The following IPO11 variants were observed in gnomAD, a reference collection of about 807,000 sequenced individuals.
IPO11 encodes importin-11.
Under a neutral mutation model 143.2 loss-of-function variants are expected in IPO11, and 66 were observed. The observed-to-expected ratio is 0.46, with a 90% CI of 0.38 to 0.57. IPO11 has a LOEUF of 0.57. IPO11 is among the 20% of genes least tolerant of loss of function. The pLI, the probability that IPO11 is intolerant of heterozygous loss-of-function variation, is 0.00. For synonymous variants in IPO11, 385 were observed against 377.8 expected (o/e 1.02, Z -0.22); for missense variants, 1,026 against 1,141.0 (o/e 0.90, Z 1.45).
At chr5:62,506,387 TGA>T (rs1741556259) in intron 19 of IPO11, 30 bp downstream of exon 19, 3 of 1,241,840 alleles carry the variant, frequency 2.4e-6, no homozygotes, top group Non-Finnish European at 3.5e-6. Context: ...TGAAAATAAA[TGA>T]GGGGTGGGTA....
At chr5:62,454,482 A>G (rs555484461) in intron 5 of IPO11, among the ~76,000 whole-genome samples, 2 of 152,184 alleles carry the variant, frequency 1.3e-5, no homozygotes, top group African/African-American at 4.8e-5. Flanking sequence ...AACTTTATCA[A>G]AGTTCACTCT....
chr5:62,423,443 A>G (rs189295351), intron 1 of IPO11, among the ~76,000 whole-genome samples: 1 of 152,356 alleles, frequency 6.6e-6, no homozygotes, highest in African/African-American at 2.4e-5. Context: ...ACAGCAATAG[A>G]AGTGTGTACT....
intron 6 of IPO11, 107 bp downstream of exon 6, chr5:62,467,370 AG>A: frequency 2.5e-6 from 3 of 1,214,604 alleles, no homozygotes; most frequent in Non-Finnish European, 3.4e-6. Flanking sequence ...TGGAAAAATA[AG>A]AGGTTTATTT....
Position 62,627,803 on chromosome 5 carries a change from T to G in IPO11, c.*485T>G, listed in dbSNP as rs909780157. 1.3e-5 allele frequency: 2 copies of G among 152,698 alleles called. No homozygotes were observed. Among genetic ancestry groups the G allele is most frequent in the African/African-American group, 4.8e-5 (2 of 41,448 alleles). 9.5% of individuals were successfully genotyped at this position (152,698 alleles called of 1,614,324 possible). The stretch of plus-strand genomic sequence containing the variant: ...GAAATGTGTGTACTAAGCAAAAATA[T>G]ATAAATAGTGACAAATACACATTAC... On this transcript the variant is annotated 3_prime_UTR_variant, in exon 30 of 30. Coordinates refer to ENST00000325324, the MANE Select transcript of IPO11 (RefSeq NM_016338.5).
At chr5:62,456,470 A>G (rs1181960779) in intron 5 of IPO11, among the ~76,000 whole-genome samples, 1 of 152,168 alleles carries the variant, frequency 6.6e-6, no homozygotes, top group Non-Finnish European at 1.5e-5. Flanking sequence ...AATGTCCCCA[A>G]ATCACGATGT....
At chr5:62,415,232 C>CAA (rs1274912534) in intron 1 of IPO11, among the ~76,000 whole-genome samples, 1 of 152,106 alleles carries the variant, frequency 6.6e-6, no homozygotes, top group African/African-American at 2.4e-5. Context: ...GGCGTGATCT[C>CAA]TGCTCACTGC....
intron 1 of IPO11, among the ~76,000 whole-genome samples, chr5:62,431,136 G>T (rs977920145): frequency 1.3e-5 from 2 of 151,608 alleles, no homozygotes; most frequent in Non-Finnish European, 2.9e-5. Flanking sequence ...GCTACGGTAC[G>T]CCTGGCTAAT....
At chr5:62,614,749 G>C (rs1746065963) in intron 29 of IPO11, among the ~76,000 whole-genome samples, 1 of 152,158 alleles carries the variant, frequency 6.6e-6, no homozygotes, top group East Asian at 1.9e-4. Context: ...TAGCTTTGCT[G>C]TCTGCAGACA....
chr5:62,497,626 G>A (rs1741202225), intron 16 of IPO11, among the ~76,000 whole-genome samples: 2 of 152,088 alleles, frequency 1.3e-5, no homozygotes, highest in South Asian at 4.1e-4. Flanking sequence ...GTACCACTAT[G>A]CCTGGCTAAT....
At chr5:62,528,783 G>T (rs1742449498) in intron 21 of IPO11, among the ~76,000 whole-genome samples, 2 of 152,128 alleles carry the variant, frequency 1.3e-5, no homozygotes, top group Non-Finnish European at 2.9e-5. Context: ...GTCTGTAGGT[G>T]AGAGAAGGTA....
chr5:62,488,198 C>T (rs1746478338), intron 13 of IPO11, among the ~76,000 whole-genome samples: 1 of 152,140 alleles, frequency 6.6e-6, no homozygotes, highest in South Asian at 2.1e-4. Flanking sequence ...AGAATGGTGG[C>T]AGTGGGAATG....
intron 27 of IPO11, among the ~76,000 whole-genome samples, chr5:62,582,219 G>C (rs1287783217): frequency 6.6e-6 from 1 of 152,210 alleles, no homozygotes; most frequent in Non-Finnish European, 1.5e-5. Flanking sequence ...AGAATTAGGT[G>C]AGTAGGAATC....
At chr5:62,620,203 G>A (rs1746295693) in intron 29 of IPO11, among the ~76,000 whole-genome samples, 1 of 152,120 alleles carries the variant, frequency 6.6e-6, no homozygotes, top group Non-Finnish European at 1.5e-5. Context: ...TTAGGGAGAC[G>A]TGAGACTTCA....
At chr5:62,624,950 A>C (rs1276568477) in intron 29 of IPO11, among the ~76,000 whole-genome samples, 1 of 141,070 alleles carries the variant, frequency 7.1e-6, no homozygotes, top group Admixed American at 7.9e-5. Context: ...GCGCCAGTGC[A>C]CTCCAGCCTG....
chr5:62,444,894 A>G (rs1004096413), intron 3 of IPO11, among the ~76,000 whole-genome samples: 112 of 151,170 alleles, frequency 7.4e-4, no homozygotes, highest in African/African-American at 2.4e-3. Context: ...AGACATATAT[A>G]TATGTATATA....
chr5:62,615,863 A>G (rs963523319), intron 29 of IPO11, among the ~76,000 whole-genome samples: 1 of 152,110 alleles, frequency 6.6e-6, no homozygotes. Context: ...GTTACTGTGA[A>G]TCTCAATTTT....
In IPO11 at chr5:62,627,435, C is replaced by A; in HGVS notation, c.*117C>A. On this transcript the variant is annotated 3_prime_UTR_variant, in exon 30 of 30. Transcript: ENST00000325324. ...ATCACTTCATGAAAATAAGCAAAGA[C>A]CACACATTTTTTACTACAAAATGTA... 1 of 949,760 alleles carries A rather than the reference C, an allele frequency of 1.1e-6. No individual in the cohort carries two copies. The highest frequency in any genetic ancestry group is 1.5e-6 in the Non-Finnish European group (1 of 646,488). 58.8% of individuals were successfully genotyped at this position (949,760 alleles called of 1,614,324 possible).
intron 1 of IPO11, chr5:62,418,806 A>G (rs1743388087): frequency 2.1e-6 from 1 of 477,258 alleles, no homozygotes; most frequent in South Asian, 3.9e-5. Flanking sequence ...CTCTGTTAAT[A>G]TAGATAACTA....
At chr5:62,565,860 A>G (rs981470113) in intron 27 of IPO11, among the ~76,000 whole-genome samples, 1 of 145,730 alleles carries the variant, frequency 6.9e-6, no homozygotes, top group Non-Finnish European at 1.5e-5. Flanking sequence ...ACTCCCACTT[A>G]TGAGTGAGAG....
Sources: gnomAD v4.1 joint callset for allele counts (sites outside exome capture counted in the v4.1 genomes callset) on GRCh38, gnomAD v4.1.1 for gene constraint, MANE v1.5 for transcripts, NCBI Gene and HGNC (gene_info 2026-07-23, HGNC 2026-07-21) for gene names.